GREB1: variants seen among roughly 807,000 people sequenced by gnomAD.
The protein encoded by GREB1 is protein GREB1.
In GREB1, 106 loss-of-function variants were observed where a neutral mutation model predicts 200.7. The observed-to-expected ratio is 0.53, with a 90% CI of 0.45 to 0.62. The LOEUF (loss-of-function observed/expected upper bound fraction) is 0.62. GREB1 is among the 20% of genes least tolerant of loss of function. The probability of loss-of-function intolerance (pLI) is 0.00; values close to 1 mark genes in which losing one functional copy is unlikely to be tolerated. For missense variants in GREB1, 2,243 were observed against 2,556.8 expected (o/e 0.88, Z 2.65); for synonymous variants, 1,132 against 1,092.4 (o/e 1.04, Z -0.72).
At chr2:11,608,976 C>A (rs1433015273) in intron 17 of GREB1, among the ~76,000 whole-genome samples, 1 of 152,184 alleles carries the variant, frequency 6.6e-6, no homozygotes, top group Admixed American at 6.5e-5. Flanking sequence ...CTTCCCTCTT[C>A]CTGAGTACAT....
intron 10 of GREB1, among the ~76,000 whole-genome samples, chr2:11,589,785 C>T (rs1680545865): frequency 1.3e-5 from 2 of 152,076 alleles, no homozygotes; most frequent in Admixed American, 6.5e-5. Context: ...GTAAGGCCGG[C>T]TGGAAATGCC....
chr2:11,592,939 G>T lies in GREB1; in HGVS notation c.1509G>T (p.Trp503Cys), dbSNP rs781568543. The change falls in exon 11 of 33, where the codon TGG (tryptophan) becomes TGT (cysteine). Residue 503 changes from tryptophan (W) to cysteine (C), a missense_variant. Trp to Cys is a radical substitution (Grantham distance 215). This residue lies in a region of GREB1 where 1,178 missense variants were observed against 1,387.4 expected (regional missense o/e 0.85). Transcript: ENST00000381486. The stretch of plus-strand genomic sequence containing the variant: ...CCGTGACCTCCGCGCAGCTGCCCTG[G>T]CTGGCCAGCCTGGCCGCCAGCTCCT... ...AAPVTSAQLP[W>C]LASLAASSCN... The T allele has an allele frequency of 1.3e-6, 2 of 1,586,046 alleles. No homozygotes were observed. The highest frequency in any genetic ancestry group is 1.1e-5 in the South Asian group (1 of 88,142).
chr2:11,515,151 G>A lies in GREB1; in HGVS notation c.-159+32770G>A, dbSNP rs140825646. Among the ~76,000 whole-genome samples, 284 of 116,886 alleles carry A rather than the reference G, an allele frequency of 2.4e-3. 2 individuals carry two copies. The highest frequency in any genetic ancestry group is 0.011 in the African/African-American group (274 of 25,904). The allele number at this position is 116,886 out of a possible 152,430, so 76.7% of individuals were successfully genotyped here. On this transcript the variant is annotated intron_variant, in intron 1 of 2. Coordinates refer to the GREB1 transcript ENST00000628795. Reference sequence around the variant, plus strand: ...CCATCCATCCACCCACCCCCCATCCGTCCATCTATCCATCCATCCATCCAT... The same window carrying A: ...CCATCCATCCACCCACCCCCCATCCATCCATCTATCCATCCATCCATCCAT...
At chr2:11,576,608 A>T in intron 5 of GREB1, 73 bp downstream of exon 5, 1 of 1,187,432 alleles carries the variant, frequency 8.4e-7, no homozygotes, top group East Asian at 2.3e-5. Context: ...TGTCGGTGTG[A>T]TGCTGGGGAG....
chr2:11,615,242 G>A lies in GREB1; in HGVS notation c.3274G>A (p.Glu1092Lys), dbSNP rs776532034. The change falls in exon 20 of 33, where the codon GAG becomes AAG. Residue 1092 changes from glutamate to lysine, a missense_variant. By Grantham distance (56) the Glu-to-Lys change is moderately conservative. Transcript: ENST00000381486. ...GAACGAGGCCTTGGAGAGTGATGCT[G>A]AGAAGCTGAGCAGCACAGACAACGA... ...ARNEALESDA[E>K]KLSSTDNEDE... is the part of the protein sequence containing the mutation. The A allele has an allele frequency of 2.5e-6, 4 of 1,611,022 alleles. No homozygotes were observed. The South Asian group carries it at 4.4e-5, about 18-fold the overall frequency.
At chr2:11,521,836 T>C (rs1054731905) in intron 1 of GREB1, among the ~76,000 whole-genome samples, 1 of 152,256 alleles carries the variant, frequency 6.6e-6, no homozygotes, top group Non-Finnish European at 1.5e-5. Context: ...ACTGTAATTA[T>C]TGCCTCAAAA....
intron 1 of GREB1, among the ~76,000 whole-genome samples, chr2:11,518,288 A>G (rs898124100): frequency 3.3e-5 from 5 of 152,214 alleles, no homozygotes; most frequent in Non-Finnish European, 7.3e-5. Context: ...AACACATTAA[A>G]AAAATTCGTG....
chr2:11,537,044 C>A (rs572601033), intron 1 of GREB1, among the ~76,000 whole-genome samples: 5 of 152,030 alleles, frequency 3.3e-5, no homozygotes, highest in African/African-American at 4.8e-5. Flanking sequence ...CTCATTGCAA[C>A]CTCCTCCTCC....
intron 1 of GREB1, among the ~76,000 whole-genome samples, chr2:11,489,980 ATAT>A (rs1672743329): frequency 6.7e-6 from 1 of 149,378 alleles, no homozygotes; most frequent in Non-Finnish European, 1.5e-5. Context: ...ATAACAAATA[ATAT>A]TGTAATTGTA....
chr2:11,601,026 G>A, intron 16 of GREB1, 31 bp downstream of exon 16: 5 of 1,566,976 alleles, frequency 3.2e-6, no homozygotes, highest in South Asian at 1.1e-5. Flanking sequence ...GGGCCCTTGT[G>A]TAGCAATATC....
intron 1 of GREB1, among the ~76,000 whole-genome samples, chr2:11,489,019 G>A (rs1672721710): frequency 6.6e-6 from 1 of 152,048 alleles, no homozygotes; most frequent in African/African-American, 2.4e-5. Flanking sequence ...CCAGCACTCA[G>A]TACAATGGCT....
intron 1 of GREB1, among the ~76,000 whole-genome samples, chr2:11,525,894 G>A (rs73189363): frequency 0.013 from 2,020 of 152,294 alleles, 47 homozygotes; most frequent in African/African-American, 0.046. Flanking sequence ...TGCCCTGATG[G>A]ATCCTTTGTT....
intron 10 of GREB1, chr2:11,592,214 G>A (rs1377881415): frequency 3.0e-6 from 1 of 328,284 alleles, no homozygotes; most frequent in Non-Finnish European, 4.2e-6. Context: ...AACAACAGCA[G>A]TGTTTTGGGT....
chr2:11,494,708 C>G (rs950468707), intron 1 of GREB1, among the ~76,000 whole-genome samples: 6 of 152,158 alleles, frequency 3.9e-5, no homozygotes, highest in Non-Finnish European at 5.9e-5. Flanking sequence ...AGGGTCAAAT[C>G]CAAGCTCAGT....
At position 11,640,183 on chromosome 2, in the gene GREB1, C is replaced by T; in HGVS notation, c.5687-108C>T. 2 of 1,084,778 alleles carry T rather than the reference C, an allele frequency of 1.8e-6. No homozygotes were observed. Among genetic ancestry groups the T allele is most frequent in the Non-Finnish European group, 1.3e-6 (1 of 760,606 alleles). The allele number at this position is 1,084,778 out of a possible 1,614,324, so 67.2% of individuals were successfully genotyped here. Reference sequence around the variant, plus strand: ...GGCCGACTTGGATGCCGCTTCTGCCCTTCCCAACAGCGCCCTGTCTTGTCA... The same window carrying T: ...GGCCGACTTGGATGCCGCTTCTGCCTTTCCCAACAGCGCCCTGTCTTGTCA... On this transcript the variant is annotated intron_variant, in intron 32 of 32. Coordinates refer to ENST00000381486, the MANE Select transcript of GREB1 (RefSeq NM_014668.4). The surrounding 1 kb of genome is among the most constrained non-coding windows in gnomAD (Gnocchi z 4.6).
chr2:11,616,686 C>T lies in GREB1; in HGVS notation c.3378C>T (p.Asp1126=). Residue 1126 remains aspartate (D), a synonymous_variant, in exon 21 of 33, where the codon GAC becomes GAT. Coordinates refer to ENST00000381486, the MANE Select transcript of GREB1 (RefSeq NM_014668.4). The stretch of plus-strand genomic sequence containing the variant: ...AAAGGGAGAGGTCCCGCTCCCACGA[C>T]TCAGCATCCTCATCCCTCTCCTCCA... ...PMKRERSRSH[D]SASSSLSSKA... is the part of the protein sequence containing the mutation. The T allele has an allele frequency of 6.2e-6, 10 of 1,612,504 alleles. No homozygotes were observed. The highest frequency in any genetic ancestry group is 8.5e-6 in the Non-Finnish European group (10 of 1,178,496).
intron 1 of GREB1, among the ~76,000 whole-genome samples, chr2:11,522,087 G>A (rs1673723725): frequency 6.6e-6 from 1 of 152,210 alleles, no homozygotes; most frequent in Admixed American, 6.5e-5. Flanking sequence ...AGGGGCATCT[G>A]TCTATCTGTC....
chr2:11,508,532 C>T (rs372925317), intron 1 of GREB1, among the ~76,000 whole-genome samples: 25 of 152,330 alleles, frequency 1.6e-4, no homozygotes, highest in African/African-American at 5.8e-4. Context: ...TTCCTGACAT[C>T]TTTGCCTGGC....
At chr2:11,538,797 CT>C (rs1674470582) in intron 1 of GREB1, among the ~76,000 whole-genome samples, 1 of 22,246 alleles carries the variant, frequency 4.5e-5, no homozygotes, top group Non-Finnish European at 1.2e-4. Context: ...CCTTCCTTCC[CT>C]TCTTTACTTC....
Sources: allele counts gnomAD v4.1 joint callset (sites outside exome capture counted in the v4.1 genomes callset), GRCh38; gene constraint gnomAD v4.1.1; regional missense constraint gnomAD v4.1.1; non-coding constraint Gnocchi (gnomAD v3.1); transcripts MANE v1.5; gene names NCBI Gene and HGNC (gene_info 2026-07-23, HGNC 2026-07-21).